DHCR7: variants seen among roughly 807,000 people sequenced by gnomAD.
DHCR7 encodes the protein 7-dehydrocholesterol reductase, also known as 7-DHC reductase.
A neutral mutation model predicts 43.3 loss-of-function variants in DHCR7; 40 were observed. The ratio of observed to expected loss-of-function variants is 0.92; its 90% CI spans 0.72 to 1.20. DHCR7 has a LOEUF of 1.20. DHCR7 is among the 50% of genes most tolerant of loss of function. The pLI, the probability that DHCR7 is intolerant of heterozygous loss-of-function variation, is 0.00. For missense variants in DHCR7, 608 were observed against 644.6 expected (o/e 0.94, Z 0.62); for synonymous variants, 298 against 271.4 (o/e 1.10, Z -0.96).
downstream of DHCR7, among the ~76,000 whole-genome samples, chr11:71,433,476 C>T (rs1949240977): frequency 6.6e-6 from 1 of 152,248 alleles, no homozygotes; most frequent in Non-Finnish European, 1.5e-5. Flanking sequence ...CAAAAGCTAA[C>T]CTCAGCCAAT....
Position 71,435,274 on chromosome 11 carries a change from G to C in DHCR7, c.*101C>G, listed in dbSNP as rs1466730753. On this transcript the variant is annotated 3_prime_UTR_variant, in exon 9 of 9. Coordinates refer to ENST00000355527, the MANE Select transcript of DHCR7 (RefSeq NM_001360.3). ...GGGCTCTCTCCAGTTTACAGATGAG[G>C]AAACTGAGGCTCCTCGAGTTGGAGC... The C allele has an allele frequency of 1.5e-5, 19 of 1,260,852 alleles. No individual in the cohort carries two copies. The South Asian group carries it at 1.8e-4, about 12-fold the overall frequency. The allele number at this position is 1,260,852 out of a possible 1,614,324, so 78.1% of individuals were successfully genotyped here.
intron 1 of DHCR7, chr11:71,447,984 C>T (rs1049541945): frequency 6.5e-6 from 1 of 152,916 alleles, no homozygotes; most frequent in Non-Finnish European, 1.5e-5. Flanking sequence ...CGGAGCGCGG[C>T]ATGGGGCCAG....
chr11:71,428,046 C>A (rs2135936167), downstream of DHCR7: 1 of 152,356 alleles, frequency 6.6e-6, no homozygotes, highest in East Asian at 1.9e-4. Context: ...CAAGGGCCTA[C>A]CTTGCAGGCA....
chr11:71,442,315 C>CT lies in DHCR7; in HGVS notation c.359dup (p.Phe121ValfsTer106), dbSNP rs1565588670. 1 of 1,613,960 alleles carries CT rather than the reference C, an allele frequency of 6.2e-7. No individual in the cohort carries two copies. The highest frequency in any genetic ancestry group is 8.5e-7 in the Non-Finnish European group (1 of 1,179,980). On this transcript the variant is annotated frameshift_variant, in exon 5 of 9. Transcript: ENST00000355527. LOFTEE classifies it high-confidence loss of function. ...TGCCTCCTACGTAGCCGGGTAGAAA[C>CT]TTATGGCAGAAGTCAGGGAGAGACG...
intron 8 of DHCR7, among the ~76,000 whole-genome samples, 156 bp downstream of exon 8, chr11:71,437,656 C>T (rs1049045008): frequency 3.3e-5 from 5 of 152,192 alleles, no homozygotes; most frequent in African/African-American, 1.2e-4. Flanking sequence ...GGCTGCTGGC[C>T]CAAGCTGGCT....
rs897224428 is a variant in DHCR7, at chr11:71,434,796, G to A, written c.*579C>T. ...AGCACTCCTGGCAGCTGTGCAGCAG[G>A]AGCAGGAAGGAAACGACATGAAAGC... On this transcript the variant is annotated 3_prime_UTR_variant, in exon 9 of 9. Transcript: ENST00000355527. The A allele has an allele frequency of 7.4e-5, 23 of 311,778 alleles. No individual in the cohort carries two copies. The Admixed American group carries it at 9.5e-4, about 13-fold the overall frequency. The allele number at this position is 311,778 out of a possible 1,614,324, so 19.3% of individuals were successfully genotyped here.
At chr11:71,437,379 A>G (rs570352146) in intron 8 of DHCR7, among the ~76,000 whole-genome samples, 3 of 152,284 alleles carry the variant, frequency 2.0e-5, no homozygotes, top group African/African-American at 4.8e-5. Context: ...ACTCTCCCCA[A>G]ATCAGAGCAG....
At chr11:71,434,128 C>T (rs1020913405), downstream of DHCR7, among the ~76,000 whole-genome samples, 9 of 152,218 alleles carry the variant, frequency 5.9e-5, no homozygotes, top group Non-Finnish European at 1.0e-4. Flanking sequence ...CATTCACTTG[C>T]CGGGGGCAGG....
At chr11:71,438,456 C>A (rs1949313038) in intron 7 of DHCR7, among the ~76,000 whole-genome samples, 2 of 152,198 alleles carry the variant, frequency 1.3e-5, no homozygotes, top group South Asian at 2.1e-4. Flanking sequence ...TCCAGCCTCA[C>A]CTGGCTCTGA....
In DHCR7 at chr11:71,437,914, G is replaced by A. The variant is rs766495775; in HGVS notation, c.861C>T (p.Asn287=). Residue 287 remains asparagine, a synonymous_variant, in exon 8 of 9, where the codon AAC becomes AAT. Transcript: ENST00000355527. ...QAIYVIDFFW[N]ETWYLKTIDI... ...CAATGGTCTTCAGGTACCAGGTTTCGTTCCAGAAGAAGTCAATCACGTAGA... is the reference window on the plus strand; with the variant it reads ...CAATGGTCTTCAGGTACCAGGTTTCATTCCAGAAGAAGTCAATCACGTAGA... 59 of 1,613,658 alleles carry A rather than the reference G, an allele frequency of 3.7e-5. No individual in the cohort carries two copies. Among genetic ancestry groups the A allele is most frequent in the Non-Finnish European group, 4.2e-5 (49 of 1,180,020 alleles).
In DHCR7 at chr11:71,441,438, C is replaced by T. The variant is rs769816544; in HGVS notation, c.415G>A (p.Val139Ile). ...IQEGAVTPAGVVNKYQINGLQ... is the reference protein window; with the variant it reads ...IQEGAVTPAGIVNKYQINGLQ... Reference sequence around the variant, plus strand: ...CCATTGATCTGATACTTGTTCACAACCCCTGCAGATGAAGGATTCAGAAAT... The same window carrying T: ...CCATTGATCTGATACTTGTTCACAATCCCTGCAGATGAAGGATTCAGAAAT... Residue 139 changes from valine (V) to isoleucine (I), a missense_variant and splice_region_variant, in exon 6 of 9, where the codon GTT (valine) becomes ATT (isoleucine). By Grantham distance (29) the Val-to-Ile change is conservative (BLOSUM62 3). Coordinates refer to ENST00000355527, the MANE Select transcript of DHCR7 (RefSeq NM_001360.3). 4 of 1,611,096 alleles carry T rather than the reference C, an allele frequency of 2.5e-6. No individual in the cohort carries two copies. Among genetic ancestry groups the T allele is most frequent in the Non-Finnish European group, 3.4e-6 (4 of 1,178,270 alleles).
chr11:71,437,678 T>C lies in DHCR7; in HGVS notation c.963+134A>G, dbSNP rs552335947. On this transcript the variant is annotated intron_variant, in intron 8 of 8. Coordinates refer to ENST00000355527, the MANE Select transcript of DHCR7 (RefSeq NM_001360.3). ...GGCCCAAGCTGGCTGAGCTGGCTAA[T>C]ACACGAGGCCTTCCCTTCTTCCTAG... is the stretch of plus-strand genomic sequence containing the variant. The C allele has an allele frequency of 6.7e-5, 89 of 1,335,372 alleles. No individual in the cohort carries two copies. The African/African-American group carries it at 1.1e-3, about 17-fold the overall frequency. 82.7% of individuals were successfully genotyped at this position (1,335,372 alleles called of 1,614,324 possible). A position where few individuals can be genotyped will look rare whatever the true frequency, so the allele number is the denominator to read the frequency against.
At chr11:71,435,892 G>A (rs1949275157) in intron 8 of DHCR7, 53 bp from the exon 9 acceptor site, 1 of 1,514,100 alleles carries the variant, frequency 6.6e-7, no homozygotes. Flanking sequence ...GGAGAGGACA[G>A]GAGTGTGGGC....
chr11:71,435,880 A>G (rs1307886494), intron 8 of DHCR7, 41 bp from the exon 9 acceptor site: 3 of 1,547,130 alleles, frequency 1.9e-6, no homozygotes, highest in South Asian at 1.1e-5. Flanking sequence ...TGCTTTGCCC[A>G]GGGAGAGGAC....
At chr11:71,438,186 C>T (rs1438078961) in intron 7 of DHCR7, among the ~76,000 whole-genome samples, 2 of 152,196 alleles carry the variant, frequency 1.3e-5, no homozygotes, top group Non-Finnish European at 2.9e-5. Flanking sequence ...CTCTCCCAGC[C>T]CAGGTTCTCA....
At chr11:71,438,835 C>G (rs751732228) in intron 7 of DHCR7, 44 bp downstream of exon 7, 1 of 1,600,790 alleles carries the variant, frequency 6.2e-7, no homozygotes, top group Non-Finnish European at 8.5e-7. Context: ...TCCCCCAGAG[C>G]CTGCCGGCAT....
chr11:71,431,147 T>C (rs1360608012), downstream of DHCR7, among the ~76,000 whole-genome samples: 5 of 152,128 alleles, frequency 3.3e-5, no homozygotes, highest in African/African-American at 1.2e-4. Flanking sequence ...AGAGCAAGAC[T>C]CTGTCTCCAA....
At chr11:71,434,233 G>A (rs982855668), downstream of DHCR7, among the ~76,000 whole-genome samples, 11 of 152,210 alleles carry the variant, frequency 7.2e-5, no homozygotes, top group African/African-American at 2.7e-4. Context: ...ATGGGAGGGA[G>A]AGGGGCAGGG....
chr11:71,431,347 C>T (rs1949226747), downstream of DHCR7, among the ~76,000 whole-genome samples: 1 of 152,254 alleles, frequency 6.6e-6, no homozygotes, highest in Admixed American at 6.5e-5. Flanking sequence ...AGGCTTTAAA[C>T]TGTCTTTGGC....
Sources: allele counts gnomAD v4.1 joint callset (sites outside exome capture counted in the v4.1 genomes callset), GRCh38; gene constraint gnomAD v4.1.1; transcripts MANE v1.5; gene names NCBI Gene and HGNC (gene_info 2026-07-23, HGNC 2026-07-21).